GID8: variants seen among roughly 807,000 people sequenced by gnomAD.
GID8 encodes the protein GID complex subunit 8 homolog.
Under a neutral mutation model 27.4 loss-of-function variants are expected in GID8, and 6 were observed. The ratio of observed to expected loss-of-function variants is 0.22; its 90% confidence interval spans 0.12 to 0.43. The LOEUF (loss-of-function observed/expected upper bound fraction) is 0.43, where lower values mean the gene tolerates loss of function less well. Ranked by LOEUF, GID8 falls within the 20% of genes least tolerant of loss-of-function variation. The probability of loss-of-function intolerance (pLI) is 1.00; values close to 1 mark genes in which losing one functional copy is unlikely to be tolerated. For missense variants in GID8, 173 were observed against 287.6 expected (o/e 0.60, Z 2.88); for synonymous variants, 112 against 109.0 (o/e 1.03, Z -0.17).
rs1022771408 is a variant in GID8, at chr20:62,945,843, T to C, written c.*931T>C. The C allele has an allele frequency of 1.6e-6, 2 of 1,289,670 alleles. No homozygotes were observed. Among genetic ancestry groups the C allele is most frequent in the Non-Finnish European group, 2.0e-6 (2 of 988,858 alleles). The allele number at this position is 1,289,670 out of a possible 1,614,324, so 79.9% of individuals were successfully genotyped here. The stretch of plus-strand genomic sequence containing the variant: ...AGAGCCCCAGCAGGTGGTGCACGAC[T>C]GTTGGCGGAAGGAACGCGTGTTCAT... On this transcript the variant is annotated 3_prime_UTR_variant, in exon 5 of 5. Transcript: ENST00000266069.
chr20:62,939,912 G>T (rs927731332), intron 1 of GID8, among the ~76,000 whole-genome samples: 1 of 152,144 alleles, frequency 6.6e-6, no homozygotes, highest in Non-Finnish European at 1.5e-5. Context: ...AGACAGAGTG[G>T]ACGGTGGCGT....
rs2065454928 is a variant in GID8, at chr20:62,943,920, C to T, written c.513+228C>T. On this transcript the variant is annotated intron_variant, in intron 4 of 4. Transcript: ENST00000266069. This position sits in a 1 kb window ranked among gnomAD's most constrained non-coding sequence, Gnocchi z 4.7. ...ACGAGATCTCTGCTCACTGCAACCCCCGCCTCCTGTGTTCAAGCGATTCTC... is the reference window on the plus strand; with the variant it reads ...ACGAGATCTCTGCTCACTGCAACCCTCGCCTCCTGTGTTCAAGCGATTCTC... Among the ~76,000 whole-genome samples, 1 of 151,830 alleles carries T rather than the reference C, an allele frequency of 6.6e-6. No homozygotes were observed. Among genetic ancestry groups the T allele is most frequent in the African/African-American group, 2.4e-5 (1 of 41,294 alleles).
In GID8 at chr20:62,943,176, A is replaced by G; in HGVS notation, c.308A>G (p.His103Arg). 1 of 1,608,692 alleles carries G rather than the reference A, an allele frequency of 6.2e-7. No individual in the cohort carries two copies. Among genetic ancestry groups the G allele is most frequent in the Non-Finnish European group, 8.5e-7 (1 of 1,175,556 alleles). The change falls in exon 3 of 5, where the codon CAT becomes CGT. Residue 103 changes from histidine (H) to arginine (R), a missense_variant. His to Arg is a conservative substitution (Grantham distance 29). Transcript: ENST00000266069. The surrounding 1 kb of genome is among the most constrained non-coding windows in gnomAD (Gnocchi z 4.7). Reference protein sequence around the residue: ...LLDTNRYLYFHLQQQHLIELI... With the variant: ...LLDTNRYLYFRLQQQHLIELI... Reference sequence around the variant, plus strand: ...GACACAAACCGGTATCTTTACTTCCATTTGCAGGTATGTTTCAGGAGAGAG... The same window carrying G: ...GACACAAACCGGTATCTTTACTTCCGTTTGCAGGTATGTTTCAGGAGAGAG...
chr20:62,945,279 A>G lies in GID8; in HGVS notation c.*367A>G. On this transcript the variant is annotated 3_prime_UTR_variant, in exon 5 of 5. Transcript: ENST00000266069. ...TCAAAATACAGGAAAAGCACGAATC[A>G]TGATTCTGCTTTCTGTTAGCTTAGG... The G allele has an allele frequency of 2.0e-6, 2 of 1,016,292 alleles. No homozygotes were observed. Among genetic ancestry groups the G allele is most frequent in the Non-Finnish European group, 2.4e-6 (2 of 849,036 alleles). The allele number at this position is 1,016,292 out of a possible 1,614,324, so 63.0% of individuals were successfully genotyped here.
At chr20:62,944,629 G>C in intron 4 of GID8, 110 bp from the exon 5 acceptor site, 1 of 757,926 alleles carries the variant, frequency 1.3e-6, no homozygotes, top group Non-Finnish European at 2.3e-6. Flanking sequence ...CATGTCCTGA[G>C]AGTGTCTCGC....
chr20:62,944,669 C>T (rs1008049295), intron 4 of GID8, 70 bp from the exon 5 acceptor site: 4 of 1,065,998 alleles, frequency 3.8e-6, no homozygotes, highest in Non-Finnish European at 5.8e-6. Flanking sequence ...GTTTAAACTG[C>T]CTCTTTTTAA....
chr20:62,945,194 CT>C lies in GID8; in HGVS notation c.*283del. 8.4e-7 allele frequency: 1 copy of C among 1,183,502 alleles called. No individual in the cohort carries two copies. Among genetic ancestry groups the C allele is most frequent in the South Asian group, 2.6e-5 (1 of 39,178 alleles). 73.3% of individuals were successfully genotyped at this position (1,183,502 alleles called of 1,614,324 possible). On this transcript the variant is annotated 3_prime_UTR_variant, in exon 5 of 5. Transcript: ENST00000266069. ...GTTTGCTCTTCCAGTGTTCGGGGGC[CT>C]CTGGCTGCTGAAGGATTCGGTCTAC...
rs1298461481 is a variant in GID8 at position 62,946,003 on chromosome 20, G to A, written c.*1091G>A. 5.4e-6 allele frequency: 7 copies of A among 1,289,258 alleles called. No homozygotes were observed. The highest frequency in any genetic ancestry group is 7.1e-6 in the Non-Finnish European group (7 of 988,814). The allele number at this position is 1,289,258 out of a possible 1,614,324, so 79.9% of individuals were successfully genotyped here. On this transcript the variant is annotated 3_prime_UTR_variant, in exon 5 of 5. Transcript: ENST00000266069. Reference sequence around the variant, plus strand: ...GTGGGCAGGAGGGAAGTGGTGCAGGGCTGCGTGCATTGCCTGCGAGTCGGG... The same window carrying A: ...GTGGGCAGGAGGGAAGTGGTGCAGGACTGCGTGCATTGCCTGCGAGTCGGG...
chr20:62,940,986 CGTT>C (rs1194748084), intron 1 of GID8, among the ~76,000 whole-genome samples: 1 of 132,240 alleles, frequency 7.6e-6, no homozygotes, highest in Non-Finnish European at 1.8e-5. Flanking sequence ...GCCAAATAAT[CGTT>C]GTACATTGAA....
In GID8 at chr20:62,946,484, T is replaced by C. The variant is rs1044690656; in HGVS notation, c.*1572T>C. 6 of 156,110 alleles carry C rather than the reference T, an allele frequency of 3.8e-5. No homozygotes were observed. Among genetic ancestry groups the C allele is most frequent in the Non-Finnish European group, 8.5e-5 (6 of 70,502 alleles). 9.7% of individuals were successfully genotyped at this position (156,110 alleles called of 1,614,324 possible). On this transcript the variant is annotated 3_prime_UTR_variant, in exon 5 of 5. Transcript: ENST00000266069. ...TGTTTTCAAGCCCTCTACTTCTCTT[T>C]CCAGTGGGTAGGAGCTTTTGGCAGT...
chr20:62,939,660 C>T (rs372615860), intron 1 of GID8, among the ~76,000 whole-genome samples: 5 of 152,102 alleles, frequency 3.3e-5, no homozygotes, highest in African/African-American at 1.2e-4. Flanking sequence ...GTCCGGTAAT[C>T]TGTCTAGCAG....
Position 62,947,164 on chromosome 20 carries a change from T to G in GID8, c.*2252T>G, listed in dbSNP as rs1197717472. 3 of 151,770 alleles carry G rather than the reference T, an allele frequency of 2.0e-5. No homozygotes were observed. Among genetic ancestry groups the G allele is most frequent in the Non-Finnish European group, 2.9e-5 (2 of 67,908 alleles). 9.4% of individuals were successfully genotyped at this position (151,770 alleles called of 1,614,324 possible). A position where few individuals can be genotyped will look rare whatever the true frequency, so the allele number is the denominator to read the frequency against. On this transcript the variant is annotated 3_prime_UTR_variant, in exon 5 of 5. Transcript: ENST00000266069. ...TGGGAAGTCTCCAGCGTTACTGCTCTCCTTCCCTTCATGATAAGCCAGTGC... is the reference window on the plus strand; with the variant it reads ...TGGGAAGTCTCCAGCGTTACTGCTCGCCTTCCCTTCATGATAAGCCAGTGC...
At position 62,947,080 on chromosome 20, in the gene GID8, G is replaced by A. The variant is rs2065469651; in HGVS notation, c.*2168G>A. On this transcript the variant is annotated 3_prime_UTR_variant, in exon 5 of 5. Coordinates refer to ENST00000266069, the MANE Select transcript of GID8 (RefSeq NM_017896.3). The stretch of plus-strand genomic sequence containing the variant: ...AGTGCTGGTGTTGATTTCCATTTCA[G>A]CCAGTGGGTAGCTGATAAGCCAGTG... The A allele has an allele frequency of 6.6e-6, 1 of 152,244 alleles. No individual in the cohort carries two copies. Among genetic ancestry groups the A allele is most frequent in the Non-Finnish European group, 1.5e-5 (1 of 68,044 alleles). The allele number at this position is 152,244 out of a possible 1,614,324, so 9.4% of individuals were successfully genotyped here. A position where few individuals can be genotyped will look rare whatever the true frequency, so the allele number is the denominator to read the frequency against.
chr20:62,942,849 A>G (rs183522324), intron 2 of GID8, 138 bp from the exon 3 acceptor site: 1 of 620,028 alleles, frequency 1.6e-6, no homozygotes, highest in East Asian at 2.7e-5. Flanking sequence ...TTATAAAGAT[A>G]TTAATACCGA....
chr20:62,942,520 G>A (rs1418240868), intron 2 of GID8, among the ~76,000 whole-genome samples: 1 of 152,186 alleles, frequency 6.6e-6, no homozygotes, highest in African/African-American at 2.4e-5. Context: ...AGGGGAAGGG[G>A]CACACATGCT....
intron 1 of GID8, chr20:62,938,794 G>C (rs916533341): frequency 1.3e-5 from 2 of 152,198 alleles, no homozygotes; most frequent in African/African-American, 2.4e-5. Context: ...AGCGCTGTGA[G>C]TGCCGATCAC....
At position 62,943,808 on chromosome 20, in the gene GID8, C is replaced by T. The variant is rs1264138230; in HGVS notation, c.513+116C>T. On this transcript the variant is annotated intron_variant, in intron 4 of 4. Coordinates refer to ENST00000266069, the MANE Select transcript of GID8 (RefSeq NM_017896.3). The surrounding 1 kb of genome is among the most constrained non-coding windows in gnomAD (Gnocchi z 4.7). ...GACTGAGAGACAGGTGGCTTCTGTG[C>T]CTGGGATGCTAAGTGGTTCCTTCAT... 4.1e-6 allele frequency: 3 copies of T among 732,050 alleles called. No homozygotes were observed. Among genetic ancestry groups the T allele is most frequent in the Admixed American group, 2.6e-5 (1 of 38,552 alleles). 45.3% of individuals were successfully genotyped at this position (732,050 alleles called of 1,614,324 possible).
chr20:62,940,638 C>T (rs533496506), intron 1 of GID8, among the ~76,000 whole-genome samples: 2 of 152,258 alleles, frequency 1.3e-5, no homozygotes, highest in Non-Finnish European at 2.9e-5. Context: ...CGTGAGCCAC[C>T]GCGCCCGGCC....
intron 1 of GID8, 119 bp from the exon 2 acceptor site, chr20:62,941,372 C>T (rs1268459077): frequency 4.7e-6 from 3 of 636,226 alleles, no homozygotes; most frequent in South Asian, 3.5e-5. Flanking sequence ...CCCACGGCAG[C>T]GTTGTCTTTC....
Sources: gnomAD v4.1 joint callset for allele counts (sites outside exome capture counted in the v4.1 genomes callset) on GRCh38, gnomAD v4.1.1 for gene constraint, Gnocchi (gnomAD v3.1) non-coding constraint, MANE v1.5 for transcripts, NCBI Gene and HGNC (gene_info 2026-07-23, HGNC 2026-07-21) for gene names.